Variants in SLC16A7 observed in about 807,000 individuals in gnomAD.
The protein encoded by SLC16A7 is solute carrier family 16 member 7, also known as monocarboxylate transporter 2.
Under a neutral mutation model 34.9 loss-of-function variants are expected in SLC16A7, and 33 were observed. That is an observed-to-expected ratio of 0.94 (90% CI 0.72 to 1.26). The LOEUF (loss-of-function observed/expected upper bound fraction) is 1.26, where lower values mean the gene tolerates loss of function less well. Ranked by LOEUF, SLC16A7 falls within the 50% of genes most tolerant of loss-of-function variation. SLC16A7 has a pLI of 0.00. For missense variants in SLC16A7, 573 were observed against 578.1 expected, an observed-to-expected ratio of 0.99 and a Z score of 0.09; for synonymous variants, 201 against 206.6, an observed-to-expected ratio of 0.97 and a Z score of 0.23.
intron 2 of SLC16A7, among the ~76,000 whole-genome samples, chr12:59,694,816 A>G (rs1392798995): frequency 6.6e-6 from 1 of 152,008 alleles, no homozygotes; most frequent in Non-Finnish European, 1.5e-5. Context: ...ATATATCTGC[A>G]TAAGTGTATA....
intron 3 of SLC16A7, among the ~76,000 whole-genome samples, chr12:59,742,812 C>T (rs1025837426): frequency 2.0e-5 from 3 of 152,130 alleles, no homozygotes; most frequent in African/African-American, 7.2e-5. Context: ...TTTGAAGATT[C>T]TCTTTCCTTC....
At chr12:59,655,301 G>A (rs188603593) in intron 2 of SLC16A7, 51 bp downstream of exon 2, 1 of 152,004 alleles carries the variant, frequency 6.6e-6, no homozygotes, top group Admixed American at 6.6e-5. Context: ...GCTCTTGTAA[G>A]TCATGCTGTT....
chr12:59,775,215 A>G lies in SLC16A7; in HGVS notation c.920A>G (p.Lys307Arg). ...RPSVGLIANS[K>R]YIRPRIQYFF... ...TCTGTAGGATTAATTGCAAACTCCAAATATATTCGACCTCGAATTCAGTAC... is the reference window on the plus strand; with the variant it reads ...TCTGTAGGATTAATTGCAAACTCCAGATATATTCGACCTCGAATTCAGTAC... Residue 307 changes from lysine (K) to arginine (R), a missense_variant, in exon 5 of 6, where the codon AAA becomes AGA. Coordinates refer to ENST00000547379, the MANE Select transcript of SLC16A7 (RefSeq NM_001270623.2). 1 of 1,614,138 alleles carries G rather than the reference A, an allele frequency of 6.2e-7. No homozygotes were observed. The highest frequency in any genetic ancestry group is 1.1e-5 in the South Asian group (1 of 91,084).
chr12:59,744,852 G>T (rs1431515803), intron 3 of SLC16A7, among the ~76,000 whole-genome samples: 1 of 152,156 alleles, frequency 6.6e-6, no homozygotes, highest in Non-Finnish European at 1.5e-5. Flanking sequence ...ACTCATCTGT[G>T]CACTCCCTCT....
chr12:59,658,634 C>T (rs1342856268), intron 2 of SLC16A7, among the ~76,000 whole-genome samples: 3 of 152,010 alleles, frequency 2.0e-5, no homozygotes, highest in African/African-American at 4.8e-5. Flanking sequence ...TAGAGGGAAG[C>T]TGAGCATGCC....
In SLC16A7 at chr12:59,686,126, G is replaced by A. The variant is rs369201254; in HGVS notation, c.-30-18646G>A. 1.2e-3 allele frequency among the ~76,000 whole-genome samples: 177 copies of A among 145,362 alleles called. 1 individual carries two copies. The highest frequency in any genetic ancestry group is 7.1e-3 in the Middle Eastern group (2 of 282). Reference sequence around the variant, plus strand: ...TTTTTTTTTTTTTTTTGCAGGGGAGGGTCCCTGTTCTGTCGCCATAGTTTT... The same window carrying A: ...TTTTTTTTTTTTTTTTGCAGGGGAGAGTCCCTGTTCTGTCGCCATAGTTTT... On this transcript the variant is annotated intron_variant, in intron 2 of 5. Coordinates refer to ENST00000547379, the MANE Select transcript of SLC16A7 (RefSeq NM_001270623.2).
chr12:59,681,124 A>C (rs1015573414), intron 2 of SLC16A7, among the ~76,000 whole-genome samples: 7 of 152,182 alleles, frequency 4.6e-5, no homozygotes, highest in Non-Finnish European at 8.8e-5. Flanking sequence ...TCCATGCCAC[A>C]CCTGACCATC....
intron 1 of SLC16A7, among the ~76,000 whole-genome samples, chr12:59,639,614 G>T (rs915463598): frequency 2.0e-5 from 3 of 151,982 alleles, no homozygotes; most frequent in Non-Finnish European, 2.9e-5. Context: ...CTCAACTCCT[G>T]GGCTCAAGAG....
At chr12:59,629,318 C>T (rs1399091202) in intron 1 of SLC16A7, among the ~76,000 whole-genome samples, 1 of 151,874 alleles carries the variant, frequency 6.6e-6, no homozygotes, top group Non-Finnish European at 1.5e-5. Flanking sequence ...CTATCTGTCT[C>T]AATTTCTGCC....
intron 2 of SLC16A7, among the ~76,000 whole-genome samples, chr12:59,682,621 A>G (rs1261124372): frequency 6.6e-6 from 1 of 152,172 alleles, no homozygotes; most frequent in African/African-American, 2.4e-5. Context: ...ATTCAGTTTT[A>G]TTTTAAATGG....
intron 3 of SLC16A7, chr12:59,733,949 T>A (rs1592600159): frequency 2.5e-6 from 1 of 404,350 alleles, no homozygotes. Flanking sequence ...GAGTCTGGGG[T>A]TTTTAAGGGG....
At chr12:59,637,005 A>G (rs1047828528) in intron 1 of SLC16A7, among the ~76,000 whole-genome samples, 1 of 152,156 alleles carries the variant, frequency 6.6e-6, no homozygotes, top group Non-Finnish European at 1.5e-5. Context: ...AACAGAAAAT[A>G]GTTAAGAATA....
rs1343674043 is a variant in SLC16A7, at chr12:59,618,536, C to T, written c.-130+22300C>T. On this transcript the variant is annotated intron_variant, in intron 1 of 5. Transcript: ENST00000547379. ...ATCTGCTGAAATAGCTGGAATTTTC[C>T]TTCCACAGTTTTTGCACTCACCACT... is the stretch of plus-strand genomic sequence containing the variant. Among the ~76,000 whole-genome samples, 3 of 151,886 alleles carry T rather than the reference C, an allele frequency of 2.0e-5. No individual in the cohort carries two copies. In the East Asian group the frequency reaches 5.8e-4, roughly 29 times the overall value.
chr12:59,743,876 A>G (rs1878601254), intron 3 of SLC16A7, among the ~76,000 whole-genome samples: 1 of 152,202 alleles, frequency 6.6e-6, no homozygotes, highest in East Asian at 1.9e-4. Context: ...TAACTTTTCC[A>G]AGCTTCCATT....
At chr12:59,613,913 G>T (rs1321183671) in intron 1 of SLC16A7, among the ~76,000 whole-genome samples, 1 of 152,146 alleles carries the variant, frequency 6.6e-6, no homozygotes, top group African/African-American at 2.4e-5. Flanking sequence ...AGAGATACAA[G>T]ATGATGAAGA....
intron 2 of SLC16A7, among the ~76,000 whole-genome samples, chr12:59,669,457 C>T (rs551393616): frequency 2.1e-4 from 32 of 152,140 alleles, no homozygotes; most frequent in African/African-American, 4.1e-4. Flanking sequence ...GCCTGGCTTT[C>T]GCATATTAAT....
At chr12:59,759,359 G>A (rs1320724151) in intron 3 of SLC16A7, among the ~76,000 whole-genome samples, 1 of 151,900 alleles carries the variant, frequency 6.6e-6, no homozygotes, top group Non-Finnish European at 1.5e-5. Flanking sequence ...CTTGTTCACT[G>A]AATAAGATTT....
chr12:59,652,890 T>C (rs1245568102), intron 1 of SLC16A7, among the ~76,000 whole-genome samples: 1 of 151,818 alleles, frequency 6.6e-6, no homozygotes, highest in Non-Finnish European at 1.5e-5. Flanking sequence ...GAAGGTCAGG[T>C]ATTCTAACTT....
rs1883868250 is a variant in SLC16A7 at position 59,789,811 on chromosome 12, T to C, written c.*10132T>C. ...GAAAAAACCTGTATTGCTTATTAAA[T>C]TAAAATTAAAATAAAAAAATTCATG... On this transcript the variant is annotated 3_prime_UTR_variant, in exon 6 of 6. Coordinates refer to ENST00000547379, the MANE Select transcript of SLC16A7 (RefSeq NM_001270623.2). 1 of 149,260 alleles carries C rather than the reference T, an allele frequency of 6.7e-6. No individual in the cohort carries two copies. Among genetic ancestry groups the C allele is most frequent in the Non-Finnish European group, 1.5e-5 (1 of 66,314 alleles). The allele number at this position is 149,260 out of a possible 1,614,324, so 9.2% of individuals were successfully genotyped here. A position where few individuals can be genotyped will look rare whatever the true frequency, so the allele number is the denominator to read the frequency against.
Sources: gnomAD v4.1 joint callset for allele counts (sites outside exome capture counted in the v4.1 genomes callset) on GRCh38, gnomAD v4.1.1 for gene constraint, MANE v1.5 for transcripts, NCBI Gene and HGNC (gene_info 2026-07-23, HGNC 2026-07-21) for gene names.